The following GSE1 variants were observed in gnomAD, a reference collection of about 807,000 sequenced individuals.
GSE1 encodes the protein genetic suppressor element 1.
Under a neutral mutation model 112.6 loss-of-function variants are expected in GSE1, and 32 were observed. The ratio of observed to expected loss-of-function variants is 0.28; its 90% CI spans 0.21 to 0.38. GSE1 has a LOEUF of 0.38. Among genes scored for constraint, GSE1 ranks in the 10% least tolerant of loss-of-function variants. The pLI is 1.00. For synonymous variants in GSE1, 1,115 were observed against 735.6 expected (o/e 1.52, Z -8.35); for missense variants, 2,348 against 1,699.2 (o/e 1.38, Z -6.71).
chr16:85,214,478 C>G (rs2075277387), intron 1 of GSE1, among the ~76,000 whole-genome samples: 1 of 152,166 alleles, frequency 6.6e-6, no homozygotes, highest in Non-Finnish European at 1.5e-5. Flanking sequence ...GCTGAGCCCC[C>G]AGAAGCTGGA....
In GSE1 at chr16:85,220,553, G is replaced by A. The variant is rs555303892; in HGVS notation, c.2283+48746G>A. ...CAAAAATTTTTCAATGACTTTGGTCGTCAAACCACCTCTTCCCCTCCCTTT... is the reference window on the plus strand; with the variant it reads ...CAAAAATTTTTCAATGACTTTGGTCATCAAACCACCTCTTCCCCTCCCTTT... On this transcript the variant is annotated intron_variant, in intron 1 of 2. Transcript: ENST00000637419. 5.8e-4 allele frequency among the ~76,000 whole-genome samples: 89 copies of A among 152,354 alleles called. No homozygotes were observed. In the South Asian group the frequency reaches 8.1e-3, roughly 14 times the overall value.
intron 1 of GSE1, among the ~76,000 whole-genome samples, chr16:85,605,442 A>G (rs2047661686): frequency 6.6e-6 from 1 of 151,796 alleles, no homozygotes; most frequent in Non-Finnish European, 1.5e-5. Context: ...CCACCTTTCC[A>G]CTTCCTCCGC....
intron 1 of GSE1, among the ~76,000 whole-genome samples, chr16:85,271,670 C>G (rs923531397): frequency 2.0e-5 from 3 of 152,198 alleles, no homozygotes; most frequent in Non-Finnish European, 4.4e-5. Flanking sequence ...TGGACATAGG[C>G]TCAGAGACAC....
chr16:85,246,273 A>G (rs1179723999), intron 1 of GSE1, among the ~76,000 whole-genome samples: 1 of 118,824 alleles, frequency 8.4e-6, no homozygotes, highest in Non-Finnish European at 1.8e-5. Flanking sequence ...ACACACACAC[A>G]CCCCACACGC....
chr16:85,436,029 C>G (rs183439660), intron 2 of GSE1, among the ~76,000 whole-genome samples: 1 of 152,182 alleles, frequency 6.6e-6, no homozygotes, highest in Non-Finnish European at 1.5e-5. Flanking sequence ...AGGGCCAGAA[C>G]CCTGCTGGGC....
intron 1 of GSE1, among the ~76,000 whole-genome samples, chr16:85,323,274 G>A (rs2046153610): frequency 6.6e-6 from 1 of 152,166 alleles, no homozygotes; most frequent in Non-Finnish European, 1.5e-5. Context: ...CAGTGCCAAA[G>A]CCTTGACATT....
intron 1 of GSE1, among the ~76,000 whole-genome samples, chr16:85,337,391 C>T (rs1243086537): frequency 1.3e-5 from 2 of 151,050 alleles, no homozygotes; most frequent in Non-Finnish European, 1.5e-5. Flanking sequence ...CTGCAAGCTC[C>T]GCCTCCCGGG....
At chr16:85,273,564 C>CAT (rs10683940) in intron 1 of GSE1, among the ~76,000 whole-genome samples, 93,328 of 151,826 alleles carry the variant, frequency 0.61, 28,776 homozygotes, top group Middle Eastern at 0.66. Context: ...GCAGAGGCCA[C>CAT]AGTGTATGAG....
intron 1 of GSE1, among the ~76,000 whole-genome samples, chr16:85,298,464 C>G (rs896530545): frequency 6.6e-6 from 1 of 152,150 alleles, no homozygotes; most frequent in African/African-American, 2.4e-5. Flanking sequence ...GAGTCTCTCT[C>G]TCACCCAGGT....
chr16:85,637,911 C>T (rs2050136029), intron 2 of GSE1, among the ~76,000 whole-genome samples: 1 of 152,170 alleles, frequency 6.6e-6, no homozygotes, highest in African/African-American at 2.4e-5. Context: ...ACGGCACGTC[C>T]TGGGCAGAGG....
At chr16:85,259,898 C>T (rs1028099267) in intron 1 of GSE1, among the ~76,000 whole-genome samples, 1 of 152,214 alleles carries the variant, frequency 6.6e-6, no homozygotes, top group African/African-American at 2.4e-5. Flanking sequence ...GTTGACCTAC[C>T]CCAGCCCAGC....
chr16:85,218,903 A>C (rs2075346306), intron 1 of GSE1, among the ~76,000 whole-genome samples: 1 of 152,084 alleles, frequency 6.6e-6, no homozygotes, highest in Non-Finnish European at 1.5e-5. Flanking sequence ...TTTTTGAGAC[A>C]GAGTCTGGCT....
intron 2 of GSE1, among the ~76,000 whole-genome samples, chr16:85,381,720 C>T (rs1040384342): frequency 6.6e-6 from 1 of 152,228 alleles, no homozygotes; most frequent in African/African-American, 2.4e-5. Context: ...CAGGTCTGAG[C>T]GGCCCTTGGG....
At chr16:85,395,859 A>G (rs1022356664) in intron 2 of GSE1, among the ~76,000 whole-genome samples, 1 of 141,482 alleles carries the variant, frequency 7.1e-6, no homozygotes, top group African/African-American at 2.5e-5. Flanking sequence ...GCCAGCCCAG[A>G]GATGGGGAGA....
intron 1 of GSE1, among the ~76,000 whole-genome samples, chr16:85,342,709 A>G (rs1029808038): frequency 6.6e-6 from 1 of 152,148 alleles, no homozygotes; most frequent in African/African-American, 2.4e-5. Context: ...ACATCTAAAC[A>G]GGGAGCACAC....
In GSE1 at chr16:85,670,949, G is replaced by A. The variant is rs1331912581; in HGVS notation, c.3416-46G>A. On this transcript the variant is annotated intron_variant, in intron 14 of 15. Transcript: ENST00000253458. ...AGAGGAGAGCACAAAGCGGGCCTTC[G>A]GGCTCCTGCATACGGAAAATACATC... 3.3e-6 allele frequency: 4 copies of A among 1,224,190 alleles called. No homozygotes were observed. The South Asian group carries it at 3.6e-5, about 11-fold the overall frequency. The allele number at this position is 1,224,190 out of a possible 1,614,324, so 75.8% of individuals were successfully genotyped here.
chr16:85,359,215 C>T (rs1350334571), intron 2 of GSE1: 2 of 355,172 alleles, frequency 5.6e-6, no homozygotes, highest in Non-Finnish European at 1.1e-5. Context: ...CAGTGTTCCC[C>T]TGTGCCTAGG....
intron 1 of GSE1, among the ~76,000 whole-genome samples, chr16:85,307,035 T>C (rs2045697868): frequency 6.6e-6 from 1 of 152,090 alleles, no homozygotes; most frequent in Admixed American, 6.5e-5. Context: ...TGAGGGCAGG[T>C]TGGGAAGTGT....
At chr16:85,254,656 C>T (rs1373910226) in intron 1 of GSE1, among the ~76,000 whole-genome samples, 2 of 152,212 alleles carry the variant, frequency 1.3e-5, no homozygotes, top group Non-Finnish European at 2.9e-5. Flanking sequence ...ATCCTAAGCC[C>T]GGCCACACAC....
Sources: gnomAD v4.1 joint callset for allele counts (sites outside exome capture counted in the v4.1 genomes callset) on GRCh38, gnomAD v4.1.1 for gene constraint, MANE v1.5 for transcripts, NCBI Gene and HGNC (gene_info 2026-07-23, HGNC 2026-07-21) for gene names.